Variants in LARP4B observed in about 807,000 individuals in gnomAD.
LARP4B encodes the protein La ribonucleoprotein 4B.
LARP4B carries 12 observed loss-of-function variants against 89.8 expected under a neutral mutation model. The ratio of observed to expected loss-of-function variants is 0.13; its 90% CI spans 0.09 to 0.22. The LOEUF (loss-of-function observed/expected upper bound fraction) is 0.22. Among genes scored for constraint, LARP4B ranks in the 10% least tolerant of loss-of-function variants. The pLI, the probability that LARP4B is intolerant of heterozygous loss-of-function variation, is 1.00. For synonymous variants in LARP4B, 367 were observed against 363.3 expected, an observed-to-expected ratio of 1.01 and a Z score of -0.12; for missense variants, 757 against 947.7, an observed-to-expected ratio of 0.80 and a Z score of 2.64.
chr10:843,554 C>T (rs1833632725), intron 6 of LARP4B, among the ~76,000 whole-genome samples: 1 of 152,038 alleles, frequency 6.6e-6, no homozygotes, highest in Non-Finnish European at 1.5e-5. Flanking sequence ...CAAAAATTAG[C>T]CAGGCATGGT....
intron 5 of LARP4B, among the ~76,000 whole-genome samples, chr10:847,976 T>C (rs1833859296): frequency 6.6e-6 from 1 of 152,158 alleles, no homozygotes; most frequent in Non-Finnish European, 1.5e-5. Flanking sequence ...ATAGGGAGGC[T>C]GATTGCATAG....
At chr10:840,414 C>A (rs1446313093) in intron 7 of LARP4B, among the ~76,000 whole-genome samples, 2 of 152,154 alleles carry the variant, frequency 1.3e-5, no homozygotes, top group Admixed American at 1.3e-4. Flanking sequence ...GCTTTACACA[C>A]CCCCAAGCTT....
At chr10:861,153 C>T (rs1564412848) in intron 5 of LARP4B, among the ~76,000 whole-genome samples, 1 of 152,010 alleles carries the variant, frequency 6.6e-6, no homozygotes, top group South Asian at 2.1e-4. Flanking sequence ...AAGACTCCAT[C>T]TCAAAAAGAA....
At chr10:961,308 G>T in the LARP4B span, among the ~76,000 whole-genome samples, 1 of 152,244 alleles carries the variant, frequency 6.6e-6, no homozygotes, top group African/African-American at 2.4e-5. Flanking sequence ...GGTTTATTTG[G>T]CTCACGGTTC....
the LARP4B span, among the ~76,000 whole-genome samples, chr10:940,990 A>G: frequency 1.3e-5 from 2 of 152,312 alleles, no homozygotes; most frequent in South Asian, 2.1e-4. Context: ...ACTTCCTCTA[A>G]GACGGACAGG....
intron 1 of LARP4B, among the ~76,000 whole-genome samples, chr10:894,405 G>T (rs542518778): frequency 7.9e-5 from 12 of 152,218 alleles, no homozygotes; most frequent in Admixed American, 7.2e-4. Context: ...GCAAATAAAA[G>T]ATATTTAAAA....
At chr10:938,175 C>T in the LARP4B span, among the ~76,000 whole-genome samples, 117 of 151,956 alleles carry the variant, frequency 7.7e-4, no homozygotes, top group African/African-American at 2.3e-3. Context: ...TGAGCCACTA[C>T]GGCCAGTTTG....
At chr10:866,981 T>C (rs544234137) in intron 3 of LARP4B, among the ~76,000 whole-genome samples, 2 of 152,288 alleles carry the variant, frequency 1.3e-5, no homozygotes, top group East Asian at 3.9e-4. Flanking sequence ...CTGAATTCAG[T>C]AGGGAGGTGC....
intron 1 of LARP4B, among the ~76,000 whole-genome samples, chr10:888,566 T>C (rs1307141456): frequency 6.6e-6 from 1 of 152,180 alleles, no homozygotes; most frequent in Non-Finnish European, 1.5e-5. Context: ...CTACAGCATA[T>C]TTCCAGTCAC....
chr10:936,272 G>T (rs1830747298), upstream of LARP4B, among the ~76,000 whole-genome samples: 1 of 152,122 alleles, frequency 6.6e-6, no homozygotes, highest in African/African-American at 2.4e-5. Context: ...GGGATGGAGG[G>T]TGAGGTGAGG....
intron 3 of LARP4B, among the ~76,000 whole-genome samples, chr10:880,430 T>C (rs181400126): frequency 1.3e-5 from 2 of 152,248 alleles, no homozygotes; most frequent in African/African-American, 4.8e-5. Context: ...CTCAAGCCTG[T>C]AATCCCAACA....
At chr10:895,603 G>A (rs1836162605) in intron 1 of LARP4B, among the ~76,000 whole-genome samples, 2 of 151,212 alleles carry the variant, frequency 1.3e-5, no homozygotes, top group African/African-American at 4.9e-5. Context: ...AATCCAGGAG[G>A]TGGAGATTGC....
In LARP4B at chr10:888,079, G is replaced by A. The variant is rs954129779; in HGVS notation, c.-39-2319C>T. On this transcript the variant is annotated intron_variant, in intron 1 of 17. Transcript: ENST00000316157. ...TCACGCCTGTAATACCAGCACTTTG[G>A]GAGGCCAAGGCAGGTGGATCACCTG... 7.9e-5 allele frequency among the ~76,000 whole-genome samples: 12 copies of A among 151,880 alleles called. No homozygotes were observed. The South Asian group carries it at 1.5e-3, about 18-fold the overall frequency.
intron 1 of LARP4B, among the ~76,000 whole-genome samples, chr10:928,244 AC>A (rs1374240074): frequency 6.6e-6 from 1 of 151,718 alleles, no homozygotes; most frequent in African/African-American, 2.4e-5. Flanking sequence ...AAAAAAAAAA[AC>A]TTGTACCTTT....
chr10:887,928 G>A (rs924073122), intron 1 of LARP4B, among the ~76,000 whole-genome samples: 15 of 152,028 alleles, frequency 9.9e-5, no homozygotes, highest in African/African-American at 3.6e-4. Context: ...AGGAGGCTGA[G>A]ACACTAGAAT....
the LARP4B span, among the ~76,000 whole-genome samples, chr10:982,665 C>G: frequency 6.6e-6 from 1 of 152,192 alleles, no homozygotes; most frequent in Non-Finnish European, 1.5e-5. Flanking sequence ...AATCACATGG[C>G]CTTCCTAGTA....
chr10:956,844 G>T, the LARP4B span, among the ~76,000 whole-genome samples: 2 of 152,146 alleles, frequency 1.3e-5, no homozygotes, highest in Non-Finnish European at 2.9e-5. The surrounding 1 kb of genome is among the most constrained non-coding windows in gnomAD (Gnocchi z 4.3). Flanking sequence ...GGCCTGGGGG[G>T]TCAGGAGAAG....
At chr10:857,301 A>G (rs572412218) in intron 5 of LARP4B, among the ~76,000 whole-genome samples, 2 of 152,222 alleles carry the variant, frequency 1.3e-5, no homozygotes, top group South Asian at 4.2e-4. Flanking sequence ...AAGCAGAGAG[A>G]TGGAAATCCC....
chr10:985,540 T>A, the LARP4B span: 1 of 152,238 alleles, frequency 6.6e-6, no homozygotes, highest in Admixed American at 6.5e-5. Context: ...TAACTCACTG[T>A]GTAATTCTGC....
Sources: allele counts gnomAD v4.1 joint callset (sites outside exome capture counted in the v4.1 genomes callset), GRCh38; gene constraint gnomAD v4.1.1; non-coding constraint Gnocchi (gnomAD v3.1); transcripts MANE v1.5; gene names NCBI Gene and HGNC (gene_info 2026-07-23, HGNC 2026-07-21).